Variants in NSD2 observed in about 807,000 individuals in gnomAD.
NSD2 encodes histone-lysine N-methyltransferase NSD2.
In NSD2, 12 loss-of-function variants were observed where a neutral mutation model predicts 139.0. The observed-to-expected ratio is 0.09, with a 90% CI of 0.06 to 0.14. NSD2 has a LOEUF of 0.14. NSD2 is among the 10% of genes least tolerant of loss of function. NSD2 has a pLI of 1.00. For missense variants in NSD2, 1,155 were observed against 1,745.0 expected (o/e 0.66, Z 6.02); for synonymous variants, 669 against 648.7 (o/e 1.03, Z -0.48).
At chr4:1,941,714 C>G (rs537645421) in intron 9 of NSD2, 13 of 1,046,760 alleles carry the variant, frequency 1.2e-5, no homozygotes, top group African/African-American at 1.7e-5. Flanking sequence ...ATTACTGGGT[C>G]TTTTCCATTA....
intron 3 of NSD2, among the ~76,000 whole-genome samples, chr4:1,905,677 C>T (rs1032389936): frequency 2.0e-5 from 3 of 152,184 alleles, no homozygotes; most frequent in African/African-American, 4.8e-5. Flanking sequence ...AGGACTCTGC[C>T]GAGTCCTGGG....
chr4:1,967,625 A>C (rs1424657043), intron 18 of NSD2, among the ~76,000 whole-genome samples: 1 of 152,050 alleles, frequency 6.6e-6, no homozygotes, highest in Non-Finnish European at 1.5e-5. Context: ...GTTTACTGGG[A>C]CATAGCCCCA....
At chr4:1,886,557 C>T (rs1239464473) in intron 1 of NSD2, among the ~76,000 whole-genome samples, 5 of 152,072 alleles carry the variant, frequency 3.3e-5, no homozygotes, top group Admixed American at 6.6e-5. Context: ...TGCGGCTGGG[C>T]GCGGTGACTC....
Position 1,980,096 on chromosome 4 carries a change from T to G in NSD2, c.*1187T>G, listed in dbSNP as rs1263255833. 1.3e-5 allele frequency: 3 copies of G among 233,280 alleles called. No homozygotes were observed. The highest frequency in any genetic ancestry group is 3.6e-4 in the South Asian group (2 of 5,528). 14.5% of individuals were successfully genotyped at this position (233,280 alleles called of 1,614,324 possible). On this transcript the variant is annotated 3_prime_UTR_variant, in exon 22 of 22. Transcript: ENST00000508803. ...GGGCACCTACTGAGAGGTGCGGTCC[T>G]GGGGGTGGAGGCCTGCCTGGCAGGT... is the stretch of plus-strand genomic sequence containing the variant.
chr4:1,955,432 C>A lies in NSD2; in HGVS notation c.2518+92C>A. The A allele has an allele frequency of 6.9e-7, 1 of 1,451,520 alleles. No homozygotes were observed. Among genetic ancestry groups the A allele is most frequent in the Non-Finnish European group, 9.2e-7 (1 of 1,089,600 alleles). The allele number at this position is 1,451,520 out of a possible 1,614,324, so 89.9% of individuals were successfully genotyped here. A position where few individuals can be genotyped will look rare whatever the true frequency, so the allele number is the denominator to read the frequency against. On this transcript the variant is annotated intron_variant, in intron 13 of 21. Coordinates refer to ENST00000508803, the MANE Select transcript of NSD2 (RefSeq NM_001042424.3). The surrounding 1 kb of genome is among the most constrained non-coding windows in gnomAD (Gnocchi z 4.7). ...GCTCATTCCTTGTCTGCGCTGTGTTCATTGATGTTGACAGTGTTCTGTGCG... is the reference window on the plus strand; with the variant it reads ...GCTCATTCCTTGTCTGCGCTGTGTTAATTGATGTTGACAGTGTTCTGTGCG...
intron 6 of NSD2, among the ~76,000 whole-genome samples, chr4:1,934,439 G>A (rs142719686): frequency 0.031 from 4,741 of 151,876 alleles, 244 homozygotes; most frequent in African/African-American, 0.11. Context: ...GTTGCAGTGA[G>A]CTGAGATTGT....
At chr4:1,918,760 A>G in intron 5 of NSD2, 137 bp downstream of exon 5, 3 of 1,220,310 alleles carry the variant, frequency 2.5e-6, no homozygotes, top group Non-Finnish European at 3.3e-6. Flanking sequence ...CTAATAAATA[A>G]GTATTAGGGA....
In NSD2 at chr4:1,970,832, C is replaced by T. The variant is rs1170758355; in HGVS notation, c.3373-4031C>T. Among the ~76,000 whole-genome samples the T allele has an allele frequency of 2.6e-5, 4 of 152,288 alleles. No individual in the cohort carries two copies. In the East Asian group the frequency reaches 7.7e-4, roughly 29 times the overall value. On this transcript the variant is annotated intron_variant, in intron 18 of 21. Transcript: ENST00000508803. ...GACGGGTCACATAAAGGGCCGCCAA[C>T]AGGACAGGACGGAGTCCCCAACAGC...
At chr4:1,918,706 C>T in intron 5 of NSD2, 83 bp downstream of exon 5, 1 of 1,532,988 alleles carries the variant, frequency 6.5e-7, no homozygotes, top group Admixed American at 1.9e-5. Context: ...TGTTTCTCAG[C>T]ATTATCAGGA....
At chr4:1,875,624 C>T (rs552006484) in intron 1 of NSD2, among the ~76,000 whole-genome samples, 1 of 152,116 alleles carries the variant, frequency 6.6e-6, no homozygotes, top group South Asian at 2.1e-4. Flanking sequence ...ACAGATTGGC[C>T]GGGTGCAGTG....
chr4:1,886,008 G>A (rs1441994135), intron 1 of NSD2, among the ~76,000 whole-genome samples: 1 of 152,160 alleles, frequency 6.6e-6, no homozygotes, highest in African/African-American at 2.4e-5. Flanking sequence ...ATACAGAAAA[G>A]TGGAAGGATA....
intron 18 of NSD2, among the ~76,000 whole-genome samples, chr4:1,963,132 T>TAA (rs1351772554): frequency 6.6e-6 from 1 of 152,062 alleles, no homozygotes; most frequent in Non-Finnish European, 1.5e-5. Context: ...GGATGACAGA[T>TAA]AAGGGGCCTG....
intron 18 of NSD2, among the ~76,000 whole-genome samples, chr4:1,968,794 A>T (rs561765616): frequency 3.3e-5 from 5 of 152,200 alleles, no homozygotes. Context: ...GACACAGGAG[A>T]CAGCATGGAG....
chr4:1,941,663 TC>T (rs1459700698), intron 9 of NSD2: 5 of 1,043,756 alleles, frequency 4.8e-6, no homozygotes, highest in Admixed American at 5.6e-5. Flanking sequence ...GATGCATAGA[TC>T]CCATAGTGTG....
chr4:1,935,395 A>C, intron 7 of NSD2, 133 bp downstream of exon 7: 1 of 660,600 alleles, frequency 1.5e-6, no homozygotes, highest in South Asian at 2.2e-5. Context: ...GCTGGTATTC[A>C]GCAGAAGGCT....
intron 9 of NSD2, chr4:1,945,390 G>T: frequency 1.9e-6 from 2 of 1,038,820 alleles, no homozygotes; most frequent in Non-Finnish European, 2.3e-6. Flanking sequence ...CTTGCCCATG[G>T]TGTGTGTGTC....
In NSD2 at chr4:1,976,181, G is replaced by T. The variant is rs1188066930; in HGVS notation, c.3622-294G>T. Reference sequence around the variant, plus strand: ...CTGTGGTGGCCTCCTTTGCCAGTGGGTCCCATCAGCAGATCCTGGAGCTGT... The same window carrying T: ...CTGTGGTGGCCTCCTTTGCCAGTGGTTCCCATCAGCAGATCCTGGAGCTGT... On this transcript the variant is annotated intron_variant, in intron 20 of 21. Transcript: ENST00000508803. The surrounding 1 kb of genome is among the most constrained non-coding windows in gnomAD (Gnocchi z 5.3). Among the ~76,000 whole-genome samples, 2 of 152,186 alleles carry T rather than the reference G, an allele frequency of 1.3e-5. No homozygotes were observed. The highest frequency in any genetic ancestry group is 2.4e-5 in the African/African-American group (1 of 41,448).
At chr4:1,932,536 C>T (rs547659023) in intron 6 of NSD2, among the ~76,000 whole-genome samples, 5 of 151,574 alleles carry the variant, frequency 3.3e-5, no homozygotes, top group East Asian at 1.9e-4. Context: ...CACCTGAGGT[C>T]GGGAGTTTGA....
chr4:1,900,790 G>T lies in NSD2; in HGVS notation c.136G>T (p.Val46Leu). 1 of 1,614,182 alleles carries T rather than the reference G, an allele frequency of 6.2e-7. No individual in the cohort carries two copies. Residue 46 changes from valine to leucine, a missense_variant, in exon 2 of 22, where the codon GTG (valine) becomes TTG (leucine). By Grantham distance (32) the Val-to-Leu change is conservative. This residue lies in a region of NSD2 where 246 missense variants were observed against 262.8 expected (regional missense o/e 0.94). Transcript: ENST00000508803. ...PSCEVNRECS[V>L]FLSKAQLSSS... ...CTGCGAGGTGAACCGCGAGTGTTCTGTGTTCCTCAGCAAAGCCCAGCTCTC... is the reference window on the plus strand; with the variant it reads ...CTGCGAGGTGAACCGCGAGTGTTCTTTGTTCCTCAGCAAAGCCCAGCTCTC...
Sources: gnomAD v4.1 joint callset for allele counts (sites outside exome capture counted in the v4.1 genomes callset) on GRCh38, gnomAD v4.1.1 for gene constraint, gnomAD v4.1.1 regional missense constraint, Gnocchi (gnomAD v3.1) non-coding constraint, MANE v1.5 for transcripts, NCBI Gene and HGNC (gene_info 2026-07-23, HGNC 2026-07-21) for gene names.